The following RORA variants were observed in gnomAD, a reference collection of about 807,000 sequenced individuals.
RORA encodes nuclear receptor ROR-alpha.
Under a neutral mutation model 69.5 loss-of-function variants are expected in RORA, and 7 were observed. The ratio of observed to expected loss-of-function variants is 0.10; its 90% confidence interval spans 0.06 to 0.19. RORA has a LOEUF of 0.19. Among genes scored for constraint, RORA ranks in the 10% least tolerant of loss-of-function variants. The pLI, the probability that RORA is intolerant of heterozygous loss-of-function variation, is 1.00. For synonymous variants in RORA, 261 were observed against 240.8 expected (o/e 1.08, Z -0.78); for missense variants, 457 against 663.0 (o/e 0.69, Z 3.41).
chr15:61,035,182 TAGA>T (rs1383878855), intron 1 of RORA, among the ~76,000 whole-genome samples: 3 of 152,192 alleles, frequency 2.0e-5, no homozygotes. Context: ...CAGCCCATAA[TAGA>T]AGGCTTTTAC....
chr15:60,946,317 A>T (rs1199010528), intron 1 of RORA, among the ~76,000 whole-genome samples: 3 of 152,078 alleles, frequency 2.0e-5, no homozygotes, highest in African/African-American at 7.2e-5. Context: ...TCTGATGACG[A>T]GCCGAAGCGG....
intron 1 of RORA, among the ~76,000 whole-genome samples, chr15:60,832,844 T>G (rs922853212): frequency 1.3e-5 from 2 of 152,204 alleles, no homozygotes; most frequent in African/African-American, 4.8e-5. Flanking sequence ...ATGCCTACAC[T>G]GTGTCTCCCG....
intron 2 of RORA, among the ~76,000 whole-genome samples, chr15:60,602,360 G>C (rs1384786661): frequency 3.9e-5 from 6 of 152,130 alleles, no homozygotes; most frequent in Non-Finnish European, 8.8e-5. Context: ...TTGCTCTGTT[G>C]TCTTGTTTGT....
intron 1 of RORA, among the ~76,000 whole-genome samples, chr15:61,183,251 T>C (rs2079705275): frequency 6.6e-6 from 1 of 152,190 alleles, no homozygotes; most frequent in African/African-American, 2.4e-5. Context: ...TTTTAAAAAA[T>C]GTGGCCAGGC....
chr15:60,546,920 T>C (rs901780379), intron 2 of RORA, among the ~76,000 whole-genome samples: 1 of 152,194 alleles, frequency 6.6e-6, no homozygotes, highest in Non-Finnish European at 1.5e-5. Flanking sequence ...CCTCGTGTTG[T>C]CCCTCCCTTC....
At chr15:60,761,994 A>G (rs1000179223) in intron 1 of RORA, among the ~76,000 whole-genome samples, 4 of 152,174 alleles carry the variant, frequency 2.6e-5, no homozygotes, top group African/African-American at 9.7e-5. Context: ...AAAACAGACT[A>G]ATCCAAAACA....
Position 60,531,593 on chromosome 15 carries a change from A to G in RORA, c.282+173T>C. On this transcript the variant is annotated intron_variant, in intron 3 of 10. Transcript: ENST00000335670. This position sits in a 1 kb window ranked among gnomAD's most constrained non-coding sequence, Gnocchi z 4.8. ...TTATTTTGAAGGAAGGAGTAAAAAT[A>G]TATATAACTTCTTTAATTGTAATTT... The G allele has an allele frequency of 1.9e-6, 1 of 537,548 alleles. No homozygotes were observed. The highest frequency in any genetic ancestry group is 2.9e-5 in the South Asian group (1 of 34,626). 33.3% of individuals were successfully genotyped at this position (537,548 alleles called of 1,614,324 possible). A position where few individuals can be genotyped will look rare whatever the true frequency, so the allele number is the denominator to read the frequency against.
At chr15:60,799,792 C>T (rs72750630) in intron 1 of RORA, among the ~76,000 whole-genome samples, 5 of 152,210 alleles carry the variant, frequency 3.3e-5, no homozygotes, top group Non-Finnish European at 4.4e-5. Context: ...AGGTAGATAA[C>T]GAGGGAGGGG....
At chr15:61,000,619 GA>G (rs1038155895) in intron 1 of RORA, among the ~76,000 whole-genome samples, 1 of 152,194 alleles carries the variant, frequency 6.6e-6, no homozygotes, top group Admixed American at 6.5e-5. Flanking sequence ...TAACCTGACG[GA>G]AAATAGACCT....
At chr15:60,520,021 T>C (rs149356142) in intron 3 of RORA, 1 of 152,284 alleles carries the variant, frequency 6.6e-6, no homozygotes, top group African/African-American at 2.4e-5. Context: ...TGGAAGAGGA[T>C]TACCCTTATT....
intron 1 of RORA, among the ~76,000 whole-genome samples, chr15:61,169,311 G>C (rs1388617494): frequency 1.3e-5 from 2 of 151,862 alleles, no homozygotes; most frequent in Non-Finnish European, 2.9e-5. Flanking sequence ...TAAGGCCCTG[G>C]CTTGACGTTG....
intron 1 of RORA, among the ~76,000 whole-genome samples, chr15:60,979,199 C>T (rs868679008): frequency 6.7e-6 from 1 of 149,896 alleles, no homozygotes. Flanking sequence ...CTCCTGACCT[C>T]GTGATGCACC....
At chr15:60,981,833 GC>G (rs1595859985) in intron 1 of RORA, among the ~76,000 whole-genome samples, 2 of 109,082 alleles carry the variant, frequency 1.8e-5, no homozygotes, top group South Asian at 6.2e-4. Flanking sequence ...ACTGTTGATT[GC>G]TTTTTTTTTT....
intron 1 of RORA, among the ~76,000 whole-genome samples, chr15:60,726,240 C>A (rs1292239510): frequency 6.6e-6 from 1 of 152,102 alleles, no homozygotes; most frequent in African/African-American, 2.4e-5. Flanking sequence ...TGTCCAGAAT[C>A]CCCCTTTAAG....
intron 1 of RORA, among the ~76,000 whole-genome samples, chr15:61,185,134 C>T (rs2140908557): frequency 6.6e-6 from 1 of 152,194 alleles, no homozygotes; most frequent in East Asian, 1.9e-4. Flanking sequence ...GACTGCAAAG[C>T]TGTTTCGCAG....
At chr15:60,923,125 C>T (rs192309933) in intron 1 of RORA, among the ~76,000 whole-genome samples, 2 of 152,286 alleles carry the variant, frequency 1.3e-5, no homozygotes, top group African/African-American at 4.8e-5. Flanking sequence ...AAGAAGCTGT[C>T]GTTTTCATCT....
intron 2 of RORA, among the ~76,000 whole-genome samples, chr15:60,635,455 C>T (rs145670068): frequency 1.3e-5 from 2 of 152,236 alleles, no homozygotes; most frequent in East Asian, 3.9e-4. Context: ...AAAATAGCCA[C>T]AATTAATTAT....
chr15:61,110,474 T>TTATTATACTG (rs2140781181), intron 1 of RORA, among the ~76,000 whole-genome samples: 1 of 152,286 alleles, frequency 6.6e-6, no homozygotes, highest in Admixed American at 6.5e-5. Flanking sequence ...GTTACTGGTT[T>TTATTATACTG]GTGTATTTAT....
intron 2 of RORA, among the ~76,000 whole-genome samples, chr15:60,672,703 G>T (rs1175328292): frequency 6.6e-6 from 1 of 152,154 alleles, no homozygotes; most frequent in Non-Finnish European, 1.5e-5. Context: ...TATTTAAAAT[G>T]CGGGTGCAAG....
Sources: gnomAD v4.1 joint callset for allele counts (sites outside exome capture counted in the v4.1 genomes callset) on GRCh38, gnomAD v4.1.1 for gene constraint, Gnocchi (gnomAD v3.1) non-coding constraint, MANE v1.5 for transcripts, NCBI Gene and HGNC (gene_info 2026-07-23, HGNC 2026-07-21) for gene names.